The following STAU1 variants were observed in gnomAD, a reference collection of about 807,000 sequenced individuals.
The protein encoded by STAU1 is staufen double-stranded RNA binding protein 1, also known as double-stranded RNA-binding protein Staufen homolog 1.
A neutral mutation model predicts 62.9 loss-of-function variants in STAU1; 13 were observed. The observed-to-expected ratio is 0.21, with a 90% CI of 0.13 to 0.33. The LOEUF is 0.33. Ranked by LOEUF, STAU1 falls within the 10% of genes least tolerant of loss-of-function variation. The pLI is 1.00. For missense variants in STAU1, 571 were observed against 712.1 expected, an observed-to-expected ratio of 0.80 and a Z score of 2.25; for synonymous variants, 269 against 265.1, an observed-to-expected ratio of 1.01 and a Z score of -0.14.
intron 1 of STAU1, among the ~76,000 whole-genome samples, chr20:49,175,811 T>TTTTTTC: frequency 6.9e-6 from 1 of 145,670 alleles, no homozygotes; most frequent in Non-Finnish European, 1.5e-5. Context: ...TTTTTTTTTT[T>TTTTTTC]TTTGAGACGG....
intron 2 of STAU1, among the ~76,000 whole-genome samples, chr20:49,172,629 T>C (rs1048381681): frequency 6.6e-6 from 1 of 152,142 alleles, no homozygotes; most frequent in Non-Finnish European, 1.5e-5. Flanking sequence ...TTTACCACCA[T>C]CTTCATGCAA....
chr20:49,204,860 G>A, the STAU1 span, among the ~76,000 whole-genome samples: 38 of 150,966 alleles, frequency 2.5e-4, no homozygotes, highest in Admixed American at 2.3e-3. Flanking sequence ...ATTTTGGCCC[G>A]GCTGGTCTCA....
At chr20:49,174,578 G>A (rs1022444484) in intron 1 of STAU1, among the ~76,000 whole-genome samples, 1 of 151,804 alleles carries the variant, frequency 6.6e-6, no homozygotes, top group African/African-American at 2.4e-5. Flanking sequence ...AAATTAGGCT[G>A]GGCATGGTGG....
chr20:49,123,136 G>C lies in STAU1; in HGVS notation c.922C>G (p.Leu308Val). ...CGGCGCGGGAGGCCTCGCTCTGTGA[G>C]GAGCGTGTACTCTGGCTCCTTCTCC... ...KKEKEPEYTL[L>V]TERGLPRRRE... is the part of the protein sequence containing the mutation. Residue 308 changes from leucine to valine, a missense_variant, in exon 8 of 14, where the codon CTC (leucine) becomes GTC (valine). By Grantham distance (32) the Leu-to-Val change is conservative. This residue lies in a region of STAU1 where 414 missense variants were observed against 499.6 expected (regional missense o/e 0.83). Transcript: ENST00000371856. 1 of 1,613,866 alleles carries C rather than the reference G, an allele frequency of 6.2e-7. No individual in the cohort carries two copies. Among genetic ancestry groups the C allele is most frequent in the East Asian group, 2.2e-5 (1 of 44,848 alleles).
chr20:49,155,727 A>G (rs17450430), intron 3 of STAU1, among the ~76,000 whole-genome samples: 8 of 152,094 alleles, frequency 5.3e-5, no homozygotes, highest in African/African-American at 1.9e-4. Flanking sequence ...TTAGAATTAT[A>G]TTTTTTACAA....
chr20:49,122,094 T>G (rs1358268272), intron 8 of STAU1, among the ~76,000 whole-genome samples: 1 of 152,234 alleles, frequency 6.6e-6, no homozygotes, highest in Non-Finnish European at 1.5e-5. Flanking sequence ...GAGGTCAACT[T>G]TCTAAGTTAT....
At chr20:49,118,531 A>G in intron 9 of STAU1, 123 bp from the exon 10 acceptor site, 1 of 726,784 alleles carries the variant, frequency 1.4e-6, no homozygotes, top group Non-Finnish European at 2.2e-6. Context: ...CGGCAGAAAA[A>G]CCCTGCCCCA....
At chr20:49,128,625 A>G (rs2092683787) in intron 6 of STAU1, among the ~76,000 whole-genome samples, 3 of 152,100 alleles carry the variant, frequency 2.0e-5, no homozygotes, top group Admixed American at 2.0e-4. Context: ...GGGGAGGTGC[A>G]AAGGTTATTT....
intron 3 of STAU1, among the ~76,000 whole-genome samples, chr20:49,156,824 G>A (rs1189090213): frequency 6.7e-6 from 1 of 150,020 alleles, no homozygotes; most frequent in Admixed American, 6.6e-5. Context: ...ATCCTTTTTT[G>A]TTGTTTTTTA....
At chr20:49,125,186 A>T (rs2092570926) in intron 6 of STAU1, among the ~76,000 whole-genome samples, 1 of 120,988 alleles carries the variant, frequency 8.3e-6, no homozygotes, top group Non-Finnish European at 1.8e-5. Flanking sequence ...CACATTTATA[A>T]GCTCATTTTT....
chr20:49,114,362 G>A lies in STAU1; in HGVS notation c.*516C>T, dbSNP rs1385343940. ...TGTGGGTACTGCAGGAGGTGGTGGGGCCGTGGCACACTAGAAAAGTTGGGT... is the reference window on the plus strand; with the variant it reads ...TGTGGGTACTGCAGGAGGTGGTGGGACCGTGGCACACTAGAAAAGTTGGGT... On this transcript the variant is annotated 3_prime_UTR_variant, in exon 14 of 14. Transcript: ENST00000371856. 1 of 155,128 alleles carries A rather than the reference G, an allele frequency of 6.4e-6. No homozygotes were observed. Among genetic ancestry groups the A allele is most frequent in the Non-Finnish European group, 1.4e-5 (1 of 69,600 alleles). 9.6% of individuals were successfully genotyped at this position (155,128 alleles called of 1,614,324 possible).
intron 5 of STAU1, 135 bp downstream of exon 5, chr20:49,151,447 A>C (rs1171374221): frequency 8.9e-6 from 8 of 897,590 alleles, no homozygotes; most frequent in African/African-American, 1.7e-5. Flanking sequence ...CAGAGCATAA[A>C]ATCTTGGAGG....
intron 3 of STAU1, among the ~76,000 whole-genome samples, chr20:49,164,604 T>C (rs987894525): frequency 2.0e-5 from 3 of 151,858 alleles, no homozygotes; most frequent in South Asian, 2.1e-4. Context: ...CGCAGAAAAT[T>C]TTAACAAGAA....
the STAU1 span, among the ~76,000 whole-genome samples, chr20:49,218,766 G>A: frequency 6.6e-6 from 1 of 151,672 alleles, no homozygotes; most frequent in Non-Finnish European, 1.5e-5. Flanking sequence ...TCGGGGCTGT[G>A]CGCAGTGGCT....
intron 3 of STAU1, among the ~76,000 whole-genome samples, chr20:49,156,219 C>T (rs1330542848): frequency 6.6e-6 from 1 of 152,140 alleles, no homozygotes; most frequent in African/African-American, 2.4e-5. Flanking sequence ...TCTTGCTAAT[C>T]TATACACTCT....
At chr20:49,171,792 T>G (rs550100407) in intron 2 of STAU1, among the ~76,000 whole-genome samples, 7 of 152,018 alleles carry the variant, frequency 4.6e-5, no homozygotes, top group East Asian at 3.8e-4. Flanking sequence ...TATCGTCTTA[T>G]AGGATCATTT....
intron 6 of STAU1, among the ~76,000 whole-genome samples, chr20:49,127,013 T>C (rs2092642352): frequency 6.6e-6 from 1 of 151,736 alleles, no homozygotes; most frequent in South Asian, 2.1e-4. Context: ...TGGCAAAGAG[T>C]TGAACACAAA....
intron 3 of STAU1, among the ~76,000 whole-genome samples, chr20:49,155,172 T>C (rs889727370): frequency 9.9e-5 from 15 of 152,116 alleles, no homozygotes; most frequent in African/African-American, 3.6e-4. Flanking sequence ...CAACATGATG[T>C]GCAACTTAAA....
At chr20:49,154,193 G>A in intron 3 of STAU1, 122 bp from the exon 4 acceptor site, 1 of 1,034,254 alleles carries the variant, frequency 9.7e-7, no homozygotes, top group African/African-American at 1.6e-5. Context: ...AAAAGGACCT[G>A]GGTGGCTCAC....
Sources: allele counts gnomAD v4.1 joint callset (sites outside exome capture counted in the v4.1 genomes callset), GRCh38; gene constraint gnomAD v4.1.1; regional missense constraint gnomAD v4.1.1; transcripts MANE v1.5; gene names NCBI Gene and HGNC (gene_info 2026-07-23, HGNC 2026-07-21).